TNS3: variants seen among roughly 807,000 people sequenced by gnomAD.
TNS3 encodes tensin-3.
In TNS3, 45 loss-of-function variants were observed where a neutral mutation model predicts 140.9. That is an observed-to-expected ratio of 0.32 (90% CI 0.25 to 0.41). The LOEUF (loss-of-function observed/expected upper bound fraction) is 0.41, where lower values mean the gene tolerates loss of function less well. Ranked by LOEUF, TNS3 falls within the 10% of genes least tolerant of loss-of-function variation. The pLI, the probability that TNS3 is intolerant of heterozygous loss-of-function variation, is 1.00. For missense variants in TNS3, 1,716 were observed against 1,906.7 expected, an observed-to-expected ratio of 0.90 and a Z score of 1.86; for synonymous variants, 815 against 788.4, an observed-to-expected ratio of 1.03 and a Z score of -0.56.
intron 1 of TNS3, among the ~76,000 whole-genome samples, chr7:47,537,279 G>A (rs1407253491): frequency 6.6e-6 from 1 of 152,108 alleles, no homozygotes; most frequent in African/African-American, 2.4e-5. Flanking sequence ...GCCGGCCCAG[G>A]TCCCAGCCGC....
chr7:47,479,511 C>T (rs915061730), intron 4 of TNS3, among the ~76,000 whole-genome samples: 14 of 150,592 alleles, frequency 9.3e-5, no homozygotes, highest in African/African-American at 3.4e-4. Context: ...CGGTGAGTGC[C>T]ACAGGAGGAA....
intron 26 of TNS3, among the ~76,000 whole-genome samples, chr7:47,292,443 A>G (rs1584327561): frequency 6.6e-6 from 1 of 152,360 alleles, no homozygotes; most frequent in South Asian, 2.1e-4. Context: ...ATAAAAGTAA[A>G]AAGAACAGTG....
intron 16 of TNS3, among the ~76,000 whole-genome samples, chr7:47,375,822 C>T (rs971190549): frequency 1.3e-5 from 2 of 152,218 alleles, no homozygotes; most frequent in African/African-American, 4.8e-5. Flanking sequence ...ATATTCATCA[C>T]TGATGTGTAA....
chr7:47,453,205 T>C, intron 4 of TNS3: 11 of 985,530 alleles, frequency 1.1e-5, no homozygotes, highest in Non-Finnish European at 1.2e-5. Context: ...CACAGGACAA[T>C]GTCCGCCCGG....
At chr7:47,326,474 C>T (rs1406428625) in intron 20 of TNS3, among the ~76,000 whole-genome samples, 1 of 152,024 alleles carries the variant, frequency 6.6e-6, no homozygotes, top group Admixed American at 6.6e-5. Flanking sequence ...CACAGGTTTG[C>T]CCTGGGGATT....
intron 2 of TNS3, among the ~76,000 whole-genome samples, chr7:47,508,319 G>T (rs2151885931): frequency 6.6e-6 from 1 of 152,312 alleles, no homozygotes; most frequent in East Asian, 1.9e-4. Context: ...ATACCTTGAG[G>T]TTTGTAAGAT....
intron 20 of TNS3, among the ~76,000 whole-genome samples, chr7:47,341,916 T>C (rs1334597845): frequency 3.9e-5 from 6 of 152,110 alleles, no homozygotes. Context: ...TTATCCTCAT[T>C]TTCATTCAGT....
intron 15 of TNS3, 144 bp downstream of exon 15, chr7:47,400,249 T>C (rs1011770576): frequency 8.2e-6 from 6 of 727,568 alleles, no homozygotes; most frequent in Non-Finnish European, 1.4e-5. Flanking sequence ...CACTATCCAA[T>C]ATCCTACATT....
At chr7:47,356,469 G>A (rs1166234264) in intron 17 of TNS3, among the ~76,000 whole-genome samples, 1 of 152,154 alleles carries the variant, frequency 6.6e-6, no homozygotes, top group Non-Finnish European at 1.5e-5. Context: ...CCACCCTCTG[G>A]AGGTAGAAGC....
chr7:47,356,568 G>A (rs1383131775), intron 17 of TNS3, among the ~76,000 whole-genome samples: 1 of 152,308 alleles, frequency 6.6e-6, no homozygotes, highest in African/African-American at 2.4e-5. Context: ...TGTTCTAAAA[G>A]AGACGGAATC....
intron 16 of TNS3, among the ~76,000 whole-genome samples, chr7:47,382,295 G>A (rs1791812555): frequency 6.6e-6 from 1 of 152,304 alleles, no homozygotes; most frequent in South Asian, 2.1e-4. Flanking sequence ...TCATGTGGAT[G>A]ACAGCTTTGT....
chr7:47,529,700 C>T (rs539339180), intron 1 of TNS3, among the ~76,000 whole-genome samples: 1 of 152,322 alleles, frequency 6.6e-6, no homozygotes, highest in African/African-American at 2.4e-5. Flanking sequence ...GTGGTTCTTC[C>T]TCAAACACAA....
chr7:47,360,359 A>G (rs1278801987), intron 17 of TNS3, among the ~76,000 whole-genome samples: 1 of 152,114 alleles, frequency 6.6e-6, no homozygotes. Flanking sequence ...TAAATATCCC[A>G]TCTCTCTCAG....
At chr7:47,509,439 G>A (rs1010521309) in intron 2 of TNS3, among the ~76,000 whole-genome samples, 6 of 152,056 alleles carry the variant, frequency 3.9e-5, no homozygotes, top group African/African-American at 7.2e-5. Flanking sequence ...GGTCAGCACC[G>A]CACCAGGCAG....
At chr7:47,530,823 C>CAAA (rs781707373) in intron 1 of TNS3, among the ~76,000 whole-genome samples, 1,798 of 44,920 alleles carry the variant, frequency 0.04, 111 homozygotes, top group Middle Eastern at 0.071. Context: ...AACTCCATCT[C>CAAA]AAAAAAAAAA....
intron 11 of TNS3, among the ~76,000 whole-genome samples, chr7:47,414,721 T>G (rs895203850): frequency 2.6e-5 from 4 of 152,206 alleles, no homozygotes; most frequent in African/African-American, 9.7e-5. Flanking sequence ...CAGGGGAGAC[T>G]GGGTCACATT....
intron 22 of TNS3, 75 bp downstream of exon 22, chr7:47,302,875 G>C: frequency 6.6e-7 from 1 of 1,507,218 alleles, no homozygotes. Flanking sequence ...TGCCAGCTCA[G>C]CTGCAGGTCT....
chr7:47,290,153 G>C (rs1319629080), intron 27 of TNS3, among the ~76,000 whole-genome samples: 1 of 152,032 alleles, frequency 6.6e-6, no homozygotes, highest in African/African-American at 2.4e-5. Context: ...TTCAACTGGT[G>C]GTACAGAAGC....
chr7:47,392,117 T>C (rs1297537907), intron 16 of TNS3, among the ~76,000 whole-genome samples: 2 of 152,130 alleles, frequency 1.3e-5, no homozygotes, highest in African/African-American at 4.8e-5. Context: ...CCACACTGTG[T>C]GCCGCGAGAT....
Sources: allele counts gnomAD v4.1 joint callset (sites outside exome capture counted in the v4.1 genomes callset), GRCh38; gene constraint gnomAD v4.1.1; transcripts MANE v1.5; gene names NCBI Gene and HGNC (gene_info 2026-07-23, HGNC 2026-07-21).